NCKAP1: variants seen among roughly 807,000 people sequenced by gnomAD.
NCKAP1 encodes the protein NCK associated protein 1, also known as nck-associated protein 1.
In NCKAP1, 21 loss-of-function variants were observed where a neutral mutation model predicts 151.2. The observed-to-expected ratio is 0.14, with a 90% CI of 0.10 to 0.20. NCKAP1 has a LOEUF of 0.20. Ranked by LOEUF, NCKAP1 falls within the 10% of genes least tolerant of loss-of-function variation. The probability of loss-of-function intolerance (pLI) is 1.00; values close to 1 mark genes in which losing one functional copy is unlikely to be tolerated. For missense variants in NCKAP1, 933 were observed against 1,352.1 expected, an observed-to-expected ratio of 0.69 and a Z score of 4.86; for synonymous variants, 484 against 451.8, an observed-to-expected ratio of 1.07 and a Z score of -0.90.
chr2:182,931,346 TA>T (rs1317028886), intron 26 of NCKAP1, among the ~76,000 whole-genome samples: 1 of 152,112 alleles, frequency 6.6e-6, no homozygotes, highest in Non-Finnish European at 1.5e-5. Context: ...GACTGCTCAA[TA>T]ACCTCAGAAG....
chr2:182,977,747 G>T (rs988604723), intron 14 of NCKAP1, among the ~76,000 whole-genome samples: 1 of 152,074 alleles, frequency 6.6e-6, no homozygotes. Flanking sequence ...ATCATTAAAA[G>T]AATTTGTTTT....
chr2:182,957,357 T>A lies in NCKAP1; in HGVS notation c.2021+100A>T, dbSNP rs866969254. The A allele has an allele frequency of 8.4e-6, 10 of 1,193,164 alleles. No homozygotes were observed. The African/African-American group carries it at 1.6e-4, about 19-fold the overall frequency. The allele number at this position is 1,193,164 out of a possible 1,614,324, so 73.9% of individuals were successfully genotyped here. ...TTTAAAATGGCTGGAAAATGAAGAATATACAATTATTAGCATTTCCTCAGT... is the reference window on the plus strand; with the variant it reads ...TTTAAAATGGCTGGAAAATGAAGAAAATACAATTATTAGCATTTCCTCAGT... On this transcript the variant is annotated intron_variant, in intron 19 of 30. Coordinates refer to ENST00000361354, the MANE Select transcript of NCKAP1 (RefSeq NM_013436.5).
At position 183,016,891 on chromosome 2, in the gene NCKAP1, C is replaced by A. The variant is rs370907302; in HGVS notation, c.219+6915G>T. ...CATTTGTCCCGGCAGGAAATGTAGA[C>A]CTGAAGGGGATAAATTCAAATGACA... On this transcript the variant is annotated intron_variant, in intron 2 of 30. Coordinates refer to ENST00000361354, the MANE Select transcript of NCKAP1 (RefSeq NM_013436.5). Among the ~76,000 whole-genome samples the A allele has an allele frequency of 5.4e-4, 82 of 152,048 alleles. 1 individual carries two copies. Among genetic ancestry groups the A allele is most frequent in the African/African-American group, 2.0e-3 (81 of 41,474 alleles).
At chr2:182,965,365 C>A (rs1388584007) in intron 16 of NCKAP1, among the ~76,000 whole-genome samples, 4 of 151,036 alleles carry the variant, frequency 2.6e-5, no homozygotes, top group Non-Finnish European at 5.9e-5. Flanking sequence ...CACTTTGTTG[C>A]CCAGGCTGGA....
At position 183,029,466 on chromosome 2, in the gene NCKAP1, A is replaced by G. The variant is rs1034391089; in HGVS notation, c.109-5550T>C. 2.6e-5 allele frequency among the ~76,000 whole-genome samples: 4 copies of G among 152,204 alleles called. No homozygotes were observed. In the East Asian group the frequency reaches 7.7e-4, roughly 29 times the overall value. ...CAAGAACTTACCATGATGCCAAAAA[A>G]AAAAAATACAGATTTTTAAAATTCC... On this transcript the variant is annotated intron_variant, in intron 1 of 30. Coordinates refer to ENST00000361354, the MANE Select transcript of NCKAP1 (RefSeq NM_013436.5).
intron 1 of NCKAP1, among the ~76,000 whole-genome samples, chr2:183,029,177 T>A (rs1698957848): frequency 6.6e-6 from 1 of 152,092 alleles, no homozygotes; most frequent in African/African-American, 2.4e-5. Flanking sequence ...AAGTTCCTTT[T>A]AAAACACAAA....
rs572344998 is a variant in NCKAP1, at chr2:182,933,724, C to T, written c.2859+1028G>A. On this transcript the variant is annotated intron_variant, in intron 26 of 30. Transcript: ENST00000361354. ...GCCACCATGCCCAGCCTGAGTGGCA[C>T]CAATTTCAGAAGAGTCTTGGTGTCA... Among the ~76,000 whole-genome samples, 31 of 151,954 alleles carry T rather than the reference C, an allele frequency of 2.0e-4. 1 individual carries two copies. Among genetic ancestry groups the T allele is most frequent in the African/African-American group, 7.2e-4 (30 of 41,444 alleles).
chr2:182,922,674 C>T lies in NCKAP1; in HGVS notation c.*3028G>A, dbSNP rs912222046. ...ACACTTTCTTCTAAAGTAGTTTCACCACTGCCTCCCCACATTATCCTGTAT... is the reference window on the plus strand; with the variant it reads ...ACACTTTCTTCTAAAGTAGTTTCACTACTGCCTCCCCACATTATCCTGTAT... On this transcript the variant is annotated 3_prime_UTR_variant, in exon 31 of 31. Transcript: ENST00000361354. 2 of 152,302 alleles carry T rather than the reference C, an allele frequency of 1.3e-5. No homozygotes were observed. The highest frequency in any genetic ancestry group is 2.4e-5 in the African/African-American group (1 of 41,428). The allele number at this position is 152,302 out of a possible 1,614,324, so 9.4% of individuals were successfully genotyped here.
intron 24 of NCKAP1, among the ~76,000 whole-genome samples, chr2:182,937,563 A>G (rs1193647203): frequency 6.6e-6 from 1 of 152,228 alleles, no homozygotes; most frequent in East Asian, 1.9e-4. Flanking sequence ...TGTATCCTTC[A>G]AGCAATGAGG....
chr2:182,916,588 G>A lies in NCKAP1; in HGVS notation c.*9114C>T, dbSNP rs1696472550. The A allele has an allele frequency of 6.6e-6, 1 of 152,214 alleles. No individual in the cohort carries two copies. Among genetic ancestry groups the A allele is most frequent in the Non-Finnish European group, 1.5e-5 (1 of 68,044 alleles). 9.4% of individuals were successfully genotyped at this position (152,214 alleles called of 1,614,324 possible). A position where few individuals can be genotyped will look rare whatever the true frequency, so the allele number is the denominator to read the frequency against. On this transcript the variant is annotated 3_prime_UTR_variant, in exon 31 of 31. Transcript: ENST00000361354. ...GCATGGTAAGGAAAGGGCAAGTGAT[G>A]TTTGAGCTTACTGTTTACATTATGT...
At chr2:182,947,230 A>G (rs1481075664) in intron 23 of NCKAP1, 1 of 152,216 alleles carries the variant, frequency 6.6e-6, no homozygotes, top group Non-Finnish European at 1.5e-5. Context: ...GATGCCTTAG[A>G]TAAAGCATAT....
At chr2:183,004,488 C>CAAAAAAAAAAAAAAAAAAA (rs34055584) in intron 2 of NCKAP1, among the ~76,000 whole-genome samples, 1 of 78,820 alleles carries the variant, frequency 1.3e-5, no homozygotes, top group African/African-American at 4.0e-5. Flanking sequence ...AAACAGCAAG[C>CAAAAAAAAAAAAAAAAAAA]AAAAAAAAAA....
intron 17 of NCKAP1, 49 bp downstream of exon 17, chr2:182,964,627 C>G: frequency 7.0e-7 from 1 of 1,435,206 alleles, no homozygotes; most frequent in Non-Finnish European, 9.2e-7. Flanking sequence ...CAGGTTTGAT[C>G]TAGTTTACTT....
intron 28 of NCKAP1, among the ~76,000 whole-genome samples, chr2:182,928,471 A>G (rs1223982242): frequency 6.6e-6 from 1 of 152,114 alleles, no homozygotes; most frequent in African/African-American, 2.4e-5. Context: ...CATCTAAAAG[A>G]AATCACACAT....
At position 182,989,070 on chromosome 2, in the gene NCKAP1, T is replaced by G. The variant is rs200960008; in HGVS notation, c.907A>C (p.Ile303Leu). The change falls in exon 9 of 31, where the codon ATT (isoleucine) becomes CTT (leucine). Residue 303 changes from isoleucine (I) to leucine (L), a missense_variant. Ile to Leu is a conservative substitution (Grantham distance 5, BLOSUM62 2). This residue lies in a region of NCKAP1 where 607 missense variants were observed against 795.0 expected (regional missense o/e 0.76). Coordinates refer to ENST00000361354, the MANE Select transcript of NCKAP1 (RefSeq NM_013436.5). ...LSLFRDEVFH[I>L]HKAAEDLFVN... ...AATAAGTCTTCTGCAGCTTTGTGAA[T>G]GTGGAAAACTTCATCCCGAAAGAGA... The G allele has an allele frequency of 5.0e-5, 80 of 1,613,460 alleles. No individual in the cohort carries two copies. The highest frequency in any genetic ancestry group is 1.6e-4 in the Middle Eastern group (1 of 6,076).
At chr2:183,022,654 C>G (rs1236395189) in intron 2 of NCKAP1, among the ~76,000 whole-genome samples, 1 of 152,042 alleles carries the variant, frequency 6.6e-6, no homozygotes, top group Non-Finnish European at 1.5e-5. Context: ...CCTCTACTAA[C>G]CTGTACTCCC....
intron 16 of NCKAP1, 31 bp from the exon 17 acceptor site, chr2:182,964,839 T>C (rs1409630637): frequency 1.3e-6 from 2 of 1,551,746 alleles, no homozygotes; most frequent in African/African-American, 1.4e-5. Context: ...ATCACAATTT[T>C]TACATTTAAA....
chr2:183,024,347 T>C (rs1229242771), intron 1 of NCKAP1, among the ~76,000 whole-genome samples: 1 of 152,188 alleles, frequency 6.6e-6, no homozygotes, highest in Non-Finnish European at 1.5e-5. Context: ...GTTTTCCTCA[T>C]TCACTTTAAA....
At position 182,967,634 on chromosome 2, in the gene NCKAP1, A is replaced by G. The variant is rs114280455; in HGVS notation, c.1483-273T>C. Among the ~76,000 whole-genome samples, 1,019 of 152,328 alleles carry G rather than the reference A, an allele frequency of 6.7e-3. 8 individuals are homozygous for G. Among genetic ancestry groups the G allele is most frequent in the African/African-American group, 0.023 (939 of 41,588 alleles). ...TCAAAGGAACTGAAGTTAAAATATC[A>G]AAAGTGTAAAACAATTAATTGTCAT... On this transcript the variant is annotated intron_variant, in intron 15 of 30. Transcript: ENST00000361354.
Sources: gnomAD v4.1 joint callset for allele counts (sites outside exome capture counted in the v4.1 genomes callset) on GRCh38, gnomAD v4.1.1 for gene constraint, gnomAD v4.1.1 regional missense constraint, MANE v1.5 for transcripts, NCBI Gene and HGNC (gene_info 2026-07-23, HGNC 2026-07-21) for gene names.